VSIG10: variants seen among roughly 807,000 people sequenced by gnomAD.
VSIG10 encodes V-set and immunoglobulin domain containing 10.
VSIG10 carries 48 observed loss-of-function variants against 58.7 expected under a neutral mutation model. The observed-to-expected ratio is 0.82, with a 90% CI of 0.65 to 1.04. The LOEUF (loss-of-function observed/expected upper bound fraction) is 1.04. VSIG10 is among the 50% of genes least tolerant of loss of function. The pLI is 0.00. For missense variants in VSIG10, 628 were observed against 670.0 expected, an observed-to-expected ratio of 0.94 and a Z score of 0.69; for synonymous variants, 260 against 267.1, an observed-to-expected ratio of 0.97 and a Z score of 0.26.
Position 118,068,519 on chromosome 12 carries a change from A to G in VSIG10, c.1425T>C (p.Asp475=), listed in dbSNP as rs2032350196. ...EEEEEEEEEE[D]AAVGEQEGAR... The stretch of plus-strand genomic sequence containing the variant: ...CTCCCTCCTGTTCCCCTACTGCAGC[A>G]TCTTCCTCCTCCTCCTCCTCCTCCT... The change falls in exon 8 of 9, where the codon GAT becomes GAC. Residue 475 remains aspartate, a synonymous_variant. Coordinates refer to ENST00000359236, the MANE Select transcript of VSIG10 (RefSeq NM_019086.6). 1 of 1,600,826 alleles carries G rather than the reference A, an allele frequency of 6.2e-7. No individual in the cohort carries two copies. Among genetic ancestry groups the G allele is most frequent in the South Asian group, 1.1e-5 (1 of 90,654 alleles).
chr12:118,098,924 T>TG (rs35378165), intron 1 of VSIG10, among the ~76,000 whole-genome samples: 65,936 of 147,664 alleles, frequency 0.45, 15,049 homozygotes, highest in Middle Eastern at 0.54. Flanking sequence ...AGATGGGGGT[T>TG]GGGGGGGGTC....
chr12:118,102,403 A>T (rs893240052), intron 1 of VSIG10: 1 of 152,342 alleles, frequency 6.6e-6, no homozygotes, highest in Admixed American at 6.5e-5. Context: ...GGTAACACCC[A>T]TGACTGAAGG....
chr12:118,075,729 C>A (rs560906834), intron 4 of VSIG10, among the ~76,000 whole-genome samples: 1 of 152,252 alleles, frequency 6.6e-6, no homozygotes, highest in African/African-American at 2.4e-5. Context: ...TTACTGTGGG[C>A]AAGGCACTGT....
chr12:118,093,492 A>G (rs928508184), intron 2 of VSIG10, among the ~76,000 whole-genome samples: 30 of 151,996 alleles, frequency 2.0e-4, no homozygotes, highest in African/African-American at 7.0e-4. Flanking sequence ...TACAGGCATG[A>G]GCCACAGCAC....
intron 1 of VSIG10, 93 bp downstream of exon 1, chr12:118,103,500 G>A (rs1383662010): frequency 7.7e-7 from 1 of 1,294,210 alleles, no homozygotes. Context: ...CCACGGATCC[G>A]GGCGGAGTCG....
chr12:118,066,921 G>A (rs184094308), intron 8 of VSIG10, among the ~76,000 whole-genome samples: 27 of 151,904 alleles, frequency 1.8e-4, no homozygotes, highest in African/African-American at 6.0e-4. Flanking sequence ...CTCAGCTCAC[G>A]CCCCTCCCCT....
chr12:118,079,502 G>C lies in VSIG10; in HGVS notation c.769C>G (p.Leu257Val). ...WDGGYPDPDF[L>V]WIEEPGGVIV... ...ACACCTCCTGGCTCTTCTATCCACA[G>C]GAAGTCAGGGTCAGGGTATCCCCCA... The change falls in exon 4 of 9, where the codon CTG becomes GTG. Residue 257 changes from leucine to valine, a missense_variant. Physicochemically the swap from Leu to Val is conservative, Grantham distance 32 (BLOSUM62 1). Transcript: ENST00000359236. 6.2e-7 allele frequency: 1 copy of C among 1,614,014 alleles called. No homozygotes were observed. Among genetic ancestry groups the C allele is most frequent in the Non-Finnish European group, 8.5e-7 (1 of 1,179,900 alleles).
At position 118,068,683 on chromosome 12, in the gene VSIG10, T is replaced by C. The variant is rs75888554; in HGVS notation, c.1347-86A>G. On this transcript the variant is annotated intron_variant, in intron 7 of 8. Coordinates refer to ENST00000359236, the MANE Select transcript of VSIG10 (RefSeq NM_019086.6). The stretch of plus-strand genomic sequence containing the variant: ...CACTGAATAGGAAACACTAGATTCT[T>C]TGCAACCCCATTAGTAATATGGAAA... 2,188 of 1,413,878 alleles carry C rather than the reference T, an allele frequency of 1.5e-3. 39 individuals carry two copies. In the African/African-American group the frequency reaches 0.029, roughly 18 times the overall value. 87.6% of individuals were successfully genotyped at this position (1,413,878 alleles called of 1,614,324 possible).
intron 2 of VSIG10, among the ~76,000 whole-genome samples, chr12:118,087,800 T>G (rs925399244): frequency 3.1e-5 from 4 of 130,522 alleles, no homozygotes; most frequent in Non-Finnish European, 6.2e-5. Context: ...ATCACACCAC[T>G]GCACTCCAGC....
chr12:118,085,514 A>G (rs2033095518), intron 2 of VSIG10, among the ~76,000 whole-genome samples: 1 of 152,224 alleles, frequency 6.6e-6, no homozygotes, highest in Non-Finnish European at 1.5e-5. Context: ...TTATCTCTCG[A>G]TAGCTAAGCT....
rs1405947240 is a variant in VSIG10 at position 118,065,520 on chromosome 12, C to T, written c.*1119G>A. ...AGTTTAGTTCCTTCATCCAAGAAAA[C>T]AGACCTTCCCCAACCACACCTGCAG... On this transcript the variant is annotated 3_prime_UTR_variant, in exon 9 of 9. Coordinates refer to ENST00000359236, the MANE Select transcript of VSIG10 (RefSeq NM_019086.6). 1 of 152,160 alleles carries T rather than the reference C, an allele frequency of 6.6e-6. No homozygotes were observed. Among genetic ancestry groups the T allele is most frequent in the African/African-American group, 2.4e-5 (1 of 41,432 alleles). 9.4% of individuals were successfully genotyped at this position (152,160 alleles called of 1,614,324 possible).
rs1396730641 is a variant in VSIG10 at position 118,087,861 on chromosome 12, G to GAGAC, written c.362-5433_362-5432insGTCT. On this transcript the variant is annotated intron_variant, in intron 2 of 8. Coordinates refer to ENST00000359236, the MANE Select transcript of VSIG10 (RefSeq NM_019086.6). ...TCAAAAAAAAAAAAAAAAAAAGAGA[G>GAGAC]AGAAGGAGGTAATGTGACTCAGCTA... Among the ~76,000 whole-genome samples, 35 of 76,678 alleles carry GAGAC rather than the reference G, an allele frequency of 4.6e-4. 1 individual carries two copies. In the South Asian group the frequency reaches 0.011, roughly 25 times the overall value. The allele number at this position is 76,678 out of a possible 152,430, so 50.3% of individuals were successfully genotyped here. A position where few individuals can be genotyped will look rare whatever the true frequency, so the allele number is the denominator to read the frequency against.
intron 2 of VSIG10, among the ~76,000 whole-genome samples, chr12:118,083,389 C>T (rs967820031): frequency 1.3e-5 from 2 of 151,804 alleles, no homozygotes; most frequent in Non-Finnish European, 2.9e-5. Context: ...ACCAGCCTGG[C>T]TAACATGACT....
intron 2 of VSIG10, among the ~76,000 whole-genome samples, chr12:118,092,072 A>G (rs2033315982): frequency 6.6e-6 from 1 of 150,438 alleles, no homozygotes; most frequent in African/African-American, 2.4e-5. Flanking sequence ...TTTTATTTTT[A>G]TTTTGAGGCA....
At position 118,066,401 on chromosome 12, in the gene VSIG10, C is replaced by A. The variant is rs965798152; in HGVS notation, c.*238G>T. 9 of 559,236 alleles carry A rather than the reference C, an allele frequency of 1.6e-5. No individual in the cohort carries two copies. The highest frequency in any genetic ancestry group is 2.6e-5 in the Non-Finnish European group (8 of 310,848). The allele number at this position is 559,236 out of a possible 1,614,324, so 34.6% of individuals were successfully genotyped here. On this transcript the variant is annotated 3_prime_UTR_variant, in exon 9 of 9. Transcript: ENST00000359236. ...AGTGGCACCTCAGACACCAAAGCAG[C>A]TTTCCTTCTCAAAGCTTTTAAACAT...
In VSIG10 at chr12:118,073,770, T is replaced by G; in HGVS notation, c.1148A>C (p.Glu383Ala). 3 of 1,614,010 alleles carry G rather than the reference T, an allele frequency of 1.9e-6. No homozygotes were observed. Among genetic ancestry groups the G allele is most frequent in the Non-Finnish European group, 2.5e-6 (3 of 1,179,886 alleles). Residue 383 changes from glutamate to alanine, a missense_variant, in exon 5 of 9, where the codon GAG (glutamate) becomes GCG (alanine). Transcript: ENST00000359236. ...TIHNCSQDLDEGYYICRADSP... is the reference protein window; with the variant it reads ...TIHNCSQDLDAGYYICRADSP... ...GTCAGCTCGGCAGATGTAGTAGCCCTCATCCAGGTCCTGGGAGCAGTTGTG... is the reference window on the plus strand; with the variant it reads ...GTCAGCTCGGCAGATGTAGTAGCCCGCATCCAGGTCCTGGGAGCAGTTGTG...
At chr12:118,073,137 TA>T (rs2032567252) in intron 5 of VSIG10, among the ~76,000 whole-genome samples, 1 of 152,094 alleles carries the variant, frequency 6.6e-6, no homozygotes, top group Non-Finnish European at 1.5e-5. Flanking sequence ...CATGCTCAGC[TA>T]ATGGTCTCGA....
At chr12:118,086,080 C>T (rs1284671019) in intron 2 of VSIG10, among the ~76,000 whole-genome samples, 7 of 151,758 alleles carry the variant, frequency 4.6e-5, no homozygotes, top group Admixed American at 4.6e-4. Context: ...ATCGCTTGAA[C>T]CCGGGAGGCA....
At chr12:118,094,100 C>G (rs888313748) in intron 2 of VSIG10, among the ~76,000 whole-genome samples, 12 of 152,002 alleles carry the variant, frequency 7.9e-5, no homozygotes, top group Non-Finnish European at 1.6e-4. Flanking sequence ...TGACTTGACT[C>G]CATATGTTTT....
Sources: allele counts gnomAD v4.1 joint callset (sites outside exome capture counted in the v4.1 genomes callset), GRCh38; gene constraint gnomAD v4.1.1; transcripts MANE v1.5; gene names NCBI Gene and HGNC (gene_info 2026-07-23, HGNC 2026-07-21).